The following MDM1 variants were observed in gnomAD, a reference collection of about 807,000 sequenced individuals.
The protein encoded by MDM1 is Mdm1 nuclear protein.
MDM1 carries 61 observed loss-of-function variants against 89.1 expected under a neutral mutation model. That is an observed-to-expected ratio of 0.68 (90% CI 0.56 to 0.85). The LOEUF is 0.85. MDM1 is among the 40% of genes least tolerant of loss of function. The pLI, the probability that MDM1 is intolerant of heterozygous loss-of-function variation, is 0.00. For synonymous variants in MDM1, 290 were observed against 294.1 expected (o/e 0.99, Z 0.14); for missense variants, 820 against 846.5 (o/e 0.97, Z 0.39).
Position 68,313,651 on chromosome 12 carries a change from T to G in MDM1, c.1632A>C (p.Pro544=). 1 of 1,613,784 alleles carries G rather than the reference T, an allele frequency of 6.2e-7. No individual in the cohort carries two copies. The highest frequency in any genetic ancestry group is 8.5e-7 in the Non-Finnish European group (1 of 1,179,736). The part of the protein sequence containing the change: ...IQRTHHDLTT[P]AVGGAVLVSP... ...ACGGTGTTTGCCGATTACCAACAGC[T>G]GGAGTAGTGAGATCATGATGAGTCC... Residue 544 remains proline (P), a synonymous_variant, in exon 11 of 15, where the codon CCA becomes CCC. Transcript: ENST00000682720.
intron 5 of MDM1, 125 bp downstream of exon 5, chr12:68,322,948 G>C (rs1356012433): frequency 1.2e-6 from 1 of 843,678 alleles, no homozygotes; most frequent in Non-Finnish European, 1.8e-6. Context: ...ATGAACATTT[G>C]ATGAACAAAT....
At chr12:68,322,325 A>C (rs1332363403) in intron 5 of MDM1, among the ~76,000 whole-genome samples, 1 of 152,194 alleles carries the variant, frequency 6.6e-6, no homozygotes, top group African/African-American at 2.4e-5. Context: ...TGGCATGCTA[A>C]AGCTTTGGTT....
At position 68,332,307 on chromosome 12, in the gene MDM1, G is replaced by A; in HGVS notation, c.-62C>T. Reference sequence around the variant, plus strand: ...TAACTGGAGAAAAAGCTCCGAGGGGGCGGGGCGATAACAGTGTTCCCTAGC... The same window carrying A: ...TAACTGGAGAAAAAGCTCCGAGGGGACGGGGCGATAACAGTGTTCCCTAGC... On this transcript the variant is annotated 5_prime_UTR_variant, in exon 1 of 15. Transcript: ENST00000682720. The A allele has an allele frequency of 6.6e-7, 1 of 1,521,490 alleles. No homozygotes were observed. The highest frequency in any genetic ancestry group is 8.8e-7 in the Non-Finnish European group (1 of 1,133,514). The allele number at this position is 1,521,490 out of a possible 1,614,324, so 94.2% of individuals were successfully genotyped here.
At position 68,325,141 on chromosome 12, in the gene MDM1, TA is replaced by T. The variant is rs536625624; in HGVS notation, c.633+299del. 3,434 of 996,218 alleles carry T rather than the reference TA, an allele frequency of 3.4e-3. 89 individuals are homozygous for T. In the African/African-American group the frequency reaches 0.053, roughly 15 times the overall value. The allele number at this position is 996,218 out of a possible 1,614,324, so 61.7% of individuals were successfully genotyped here. ...ATCAATTTAATAATTTTTTAATAAG[TA>T]AAAAAATCTTGTAGCATGCAAAAAC... is the stretch of plus-strand genomic sequence containing the variant. On this transcript the variant is annotated intron_variant, in intron 4 of 14. Coordinates refer to ENST00000682720, the MANE Select transcript of MDM1 (RefSeq NM_001354969.2).
intron 12 of MDM1, among the ~76,000 whole-genome samples, chr12:68,308,794 T>C (rs765654170): frequency 4.6e-5 from 7 of 152,226 alleles, no homozygotes; most frequent in Non-Finnish European, 8.8e-5. Flanking sequence ...CCAAAGAGGC[T>C]CCTTGTCCAG....
At chr12:68,330,025 G>A (rs141894281) in intron 2 of MDM1, among the ~76,000 whole-genome samples, 40 of 152,216 alleles carry the variant, frequency 2.6e-4, no homozygotes, top group Non-Finnish European at 4.7e-4. Context: ...CCCCAGCATT[G>A]TCCCCTCAGC....
At chr12:68,299,250 A>T (rs1413193344) in intron 13 of MDM1, among the ~76,000 whole-genome samples, 8 of 152,138 alleles carry the variant, frequency 5.3e-5, no homozygotes. Flanking sequence ...AACACCCTCA[A>T]AAGATCACAC....
intron 2 of MDM1, chr12:68,327,380 CAG>C: frequency 6.5e-7 from 1 of 1,534,646 alleles, no homozygotes; most frequent in South Asian, 1.2e-5. Flanking sequence ...TGCTACTTAA[CAG>C]AACAATGGGC....
chr12:68,314,266 T>C (rs1395436090), intron 10 of MDM1, among the ~76,000 whole-genome samples: 2 of 148,152 alleles, frequency 1.3e-5, no homozygotes, highest in Non-Finnish European at 3.0e-5. Context: ...AGATCAAAAA[T>C]AAAACAGAAC....
chr12:68,302,519 TA>T, intron 13 of MDM1, 100 bp downstream of exon 13: 1 of 1,091,268 alleles, frequency 9.2e-7, no homozygotes, highest in Non-Finnish European at 1.3e-6. Context: ...CCAAAAATAC[TA>T]AATAACTGAT....
At chr12:68,323,415 C>T (rs1875509306) in intron 4 of MDM1, 175 bp from the exon 5 acceptor site, 2 of 516,038 alleles carry the variant, frequency 3.9e-6, no homozygotes, top group South Asian at 2.8e-5. Flanking sequence ...ACTTTATGTA[C>T]TCATTACTAT....
intron 2 of MDM1, among the ~76,000 whole-genome samples, chr12:68,330,312 T>TA (rs1350578647): frequency 6.6e-6 from 1 of 152,190 alleles, no homozygotes; most frequent in East Asian, 1.9e-4. Context: ...GAGATGCAGA[T>TA]AAACTAGGGA....
intron 12 of MDM1, among the ~76,000 whole-genome samples, chr12:68,306,819 C>A (rs150406648): frequency 1.8e-4 from 28 of 152,294 alleles, no homozygotes; most frequent in African/African-American, 5.1e-4. Context: ...ATTAGAACTA[C>A]CATTCAACCC....
chr12:68,316,558 T>C (rs1263730749), intron 8 of MDM1, 23 bp downstream of exon 8: 2 of 1,526,244 alleles, frequency 1.3e-6, no homozygotes, highest in African/African-American at 2.7e-5. Context: ...ATTATAGTTT[T>C]TAAAAACTCA....
At chr12:68,332,104 G>T in intron 1 of MDM1, 124 bp downstream of exon 1, 1 of 1,379,854 alleles carries the variant, frequency 7.2e-7, no homozygotes, top group Non-Finnish European at 1.0e-6. Flanking sequence ...AGCAGGCCCT[G>T]GGGCTGGCAG....
Position 68,296,998 on chromosome 12 carries a change from G to T in MDM1, c.2003-16C>A. On this transcript the variant is annotated splice_polypyrimidine_tract_variant and intron_variant, in intron 13 of 14. Coordinates refer to ENST00000682720, the MANE Select transcript of MDM1 (RefSeq NM_001354969.2). Reference sequence around the variant, plus strand: ...GCTTTTCCCACTTAAAAAAAAAAAGGCAGAATAAATTATCCTTCAAAAGCC... The same window carrying T: ...GCTTTTCCCACTTAAAAAAAAAAAGTCAGAATAAATTATCCTTCAAAAGCC... The T allele has an allele frequency of 6.4e-7, 1 of 1,558,768 alleles. No individual in the cohort carries two copies. The highest frequency in any genetic ancestry group is 1.2e-5 in the South Asian group (1 of 83,186).
In MDM1 at chr12:68,314,983, T is replaced by C. The variant is rs149419145; in HGVS notation, c.1494A>G (p.Val498=). 1,219 of 1,614,058 alleles carry C rather than the reference T, an allele frequency of 7.6e-4. 12 individuals carry two copies. The highest frequency in any genetic ancestry group is 2.7e-4 in the South Asian group (25 of 91,088). ...TCTTATCTGCCTTAGATTTCTCACG[T>C]ACATCCAACTTCTCTTGCTCTCCCA... ...AFMGEQEKLD[V]REKSKADKMK... The change falls in exon 10 of 15, where the codon GTA becomes GTG. Residue 498 remains valine (V), a synonymous_variant. Transcript: ENST00000682720.
At chr12:68,308,125 TTC>T (rs1873168688) in intron 12 of MDM1, among the ~76,000 whole-genome samples, 1 of 149,540 alleles carries the variant, frequency 6.7e-6, no homozygotes, top group Admixed American at 6.6e-5. Flanking sequence ...TTGCTGTTCC[TTC>T]TTTTTTTTTT....
At chr12:68,325,078 A>G (rs1024774760) in intron 4 of MDM1, 2 of 952,524 alleles carry the variant, frequency 2.1e-6, no homozygotes, top group Non-Finnish European at 1.3e-6. Context: ...GGAAACACGC[A>G]ATATATTAGT....
Sources: gnomAD v4.1 joint callset for allele counts (sites outside exome capture counted in the v4.1 genomes callset) on GRCh38, gnomAD v4.1.1 for gene constraint, MANE v1.5 for transcripts, NCBI Gene and HGNC (gene_info 2026-07-23, HGNC 2026-07-21) for gene names.